The following LDAH variants were observed in gnomAD, a reference collection of about 807,000 sequenced individuals.
LDAH encodes lipid droplet associated hydrolase.
Under a neutral mutation model 29.6 loss-of-function variants are expected in LDAH, and 26 were observed. The ratio of observed to expected loss-of-function variants is 0.88; its 90% CI spans 0.64 to 1.22. LDAH has a LOEUF of 1.22. Ranked by LOEUF, LDAH falls within the 50% of genes most tolerant of loss-of-function variation. The pLI is 0.00. For synonymous variants in LDAH, 117 were observed against 133.0 expected (o/e 0.88, Z 0.83); for missense variants, 344 against 387.3 (o/e 0.89, Z 0.94).
At chr2:20,802,991 C>T (rs946328479) in intron 1 of LDAH, among the ~76,000 whole-genome samples, 5 of 152,170 alleles carry the variant, frequency 3.3e-5, no homozygotes, top group Non-Finnish European at 5.9e-5. Flanking sequence ...TCCACTGTTC[C>T]ACTGCTGTGA....
chr2:20,766,813 G>A (rs754010474), intron 4 of LDAH, among the ~76,000 whole-genome samples: 3 of 152,236 alleles, frequency 2.0e-5, no homozygotes, highest in African/African-American at 4.8e-5. Flanking sequence ...CTGCAATGGC[G>A]GTGGTGGGTC....
intron 5 of LDAH, among the ~76,000 whole-genome samples, chr2:20,702,884 G>A (rs745374222): frequency 3.9e-5 from 6 of 152,186 alleles, no homozygotes; most frequent in Non-Finnish European, 7.3e-5. Flanking sequence ...CCGGGCTGGA[G>A]GGCAATGGCA....
intron 6 of LDAH, among the ~76,000 whole-genome samples, chr2:20,694,147 T>G (rs1472804141): frequency 1.5e-5 from 1 of 66,678 alleles, no homozygotes; most frequent in Non-Finnish European, 2.7e-5. Flanking sequence ...GGCCCCCTAC[T>G]TCCCAGCTAG....
intron 6 of LDAH, among the ~76,000 whole-genome samples, chr2:20,695,229 T>C (rs1041175308): frequency 1.3e-5 from 2 of 152,182 alleles, no homozygotes; most frequent in Non-Finnish European, 2.9e-5. Context: ...GTGGTGGCTG[T>C]TGTTTAGAAT....
In LDAH at chr2:20,801,751, C is replaced by CAAT. The variant is rs1264875673; in HGVS notation, c.-2-287_-2-286insATT. Among the ~76,000 whole-genome samples, 14 of 152,224 alleles carry CAAT rather than the reference C, an allele frequency of 9.2e-5. No individual in the cohort carries two copies. The South Asian group carries it at 2.7e-3, about 29-fold the overall frequency. On this transcript the variant is annotated intron_variant, in intron 1 of 6. Coordinates refer to ENST00000237822, the MANE Select transcript of LDAH (RefSeq NM_021925.4). Reference sequence around the variant, plus strand: ...CCGTAACTTCCACAAATTCCCTCTGCTAGAATTCTCTTTTAGCTCTGTGCA... The same window carrying CAAT: ...CCGTAACTTCCACAAATTCCCTCTGCAATTAGAATTCTCTTTTAGCTCTGTGCA...
At chr2:20,707,137 A>C (rs766313637) in intron 5 of LDAH, among the ~76,000 whole-genome samples, 23 of 152,182 alleles carry the variant, frequency 1.5e-4, no homozygotes, top group Admixed American at 3.3e-4. Flanking sequence ...AAATACTCTA[A>C]ATCACTCTAA....
intron 6 of LDAH, among the ~76,000 whole-genome samples, chr2:20,691,490 T>G (rs1663021150): frequency 6.6e-6 from 1 of 152,140 alleles, no homozygotes; most frequent in Admixed American, 6.5e-5. Context: ...CCAACTACCT[T>G]TACTGAAAGC....
At chr2:20,687,955 C>G (rs1662688266) in intron 6 of LDAH, among the ~76,000 whole-genome samples, 1 of 152,238 alleles carries the variant, frequency 6.6e-6, no homozygotes, top group Non-Finnish European at 1.5e-5. Context: ...AAAGACAGAG[C>G]TATGCCTAGC....
chr2:20,780,349 TAGC>T (rs927862935), intron 3 of LDAH, among the ~76,000 whole-genome samples: 3 of 152,144 alleles, frequency 2.0e-5, no homozygotes, highest in Non-Finnish European at 4.4e-5. Flanking sequence ...CAACAGTCCT[TAGC>T]AGGAAACAGC....
At chr2:20,707,801 G>A (rs548819120) in intron 5 of LDAH, among the ~76,000 whole-genome samples, 1 of 152,290 alleles carries the variant, frequency 6.6e-6, no homozygotes, top group Non-Finnish European at 1.5e-5. Context: ...TGTGTCACAC[G>A]GCAGGAGGTG....
chr2:20,821,558 T>A (rs566120795), intron 1 of LDAH, among the ~76,000 whole-genome samples: 1 of 152,040 alleles, frequency 6.6e-6, no homozygotes, highest in Non-Finnish European at 1.5e-5. Flanking sequence ...TAGGTGGGAA[T>A]TGAACAATGA....
Position 20,685,767 on chromosome 2 carries a change from GC to G in LDAH, c.*1135del. On this transcript the variant is annotated 3_prime_UTR_variant, in exon 7 of 7. Coordinates refer to ENST00000237822, the MANE Select transcript of LDAH (RefSeq NM_021925.4). ...CAGCAATATTGTCAGCCCACTCTAG[GC>G]CAGGGAATATGTGTCTTCTCTGCCA... The G allele has an allele frequency of 7.5e-7, 1 of 1,340,248 alleles. No individual in the cohort carries two copies. The highest frequency in any genetic ancestry group is 1.0e-6 in the Non-Finnish European group (1 of 998,522). 83.0% of individuals were successfully genotyped at this position (1,340,248 alleles called of 1,614,324 possible). A position where few individuals can be genotyped will look rare whatever the true frequency, so the allele number is the denominator to read the frequency against.
At chr2:20,715,706 C>G (rs982910625) in intron 5 of LDAH, among the ~76,000 whole-genome samples, 1 of 152,196 alleles carries the variant, frequency 6.6e-6, no homozygotes, top group Non-Finnish European at 1.5e-5. Context: ...AATCAATGTG[C>G]AAAAATCCCA....
At chr2:20,791,199 C>T (rs1277922240) in intron 2 of LDAH, among the ~76,000 whole-genome samples, 1 of 152,186 alleles carries the variant, frequency 6.6e-6, no homozygotes, top group Admixed American at 6.5e-5. Context: ...GCTAGATAAG[C>T]AGTGTAGTAA....
chr2:20,740,322 T>C (rs1430666970), intron 4 of LDAH, 117 bp from the exon 5 acceptor site: 3 of 714,866 alleles, frequency 4.2e-6, no homozygotes, highest in Non-Finnish European at 7.0e-6. Flanking sequence ...TAGAGATCTC[T>C]TCAGAGTGAG....
chr2:20,704,814 C>A (rs117019906), intron 5 of LDAH, among the ~76,000 whole-genome samples: 5 of 152,198 alleles, frequency 3.3e-5, no homozygotes, highest in Non-Finnish European at 7.4e-5. Flanking sequence ...CATGAGTAGA[C>A]AATGAAAATT....
chr2:20,750,208 T>C (rs987475312), intron 4 of LDAH, among the ~76,000 whole-genome samples: 9 of 152,110 alleles, frequency 5.9e-5, no homozygotes, highest in African/African-American at 2.2e-4. Flanking sequence ...GTACTTTTAG[T>C]AGAGACGGGG....
chr2:20,774,030 C>T (rs1280088972), intron 4 of LDAH, among the ~76,000 whole-genome samples: 3 of 152,138 alleles, frequency 2.0e-5, no homozygotes, highest in Admixed American at 2.0e-4. Context: ...TCTGGGATGT[C>T]CTCAAAACAT....
chr2:20,752,407 A>G (rs1668030285), intron 4 of LDAH, among the ~76,000 whole-genome samples: 1 of 152,220 alleles, frequency 6.6e-6, no homozygotes, highest in Admixed American at 6.5e-5. Flanking sequence ...AATGCATGAA[A>G]GTTTCCCCCA....
Sources: allele counts gnomAD v4.1 joint callset (sites outside exome capture counted in the v4.1 genomes callset), GRCh38; gene constraint gnomAD v4.1.1; transcripts MANE v1.5; gene names NCBI Gene and HGNC (gene_info 2026-07-23, HGNC 2026-07-21).